INSL5: variants seen among roughly 807,000 people sequenced by gnomAD.
The protein encoded by INSL5 is insulin-like peptide INSL5.
A neutral mutation model predicts 4.3 loss-of-function variants in INSL5; 3 were observed. That is an observed-to-expected ratio of 0.70 (90% CI 0.32 to 1.82). The LOEUF (loss-of-function observed/expected upper bound fraction) is 1.82, where lower values mean the gene tolerates loss of function less well. Among genes scored for constraint, INSL5 ranks in the 40% most tolerant of loss-of-function variants. The probability of loss-of-function intolerance (pLI) is 0.08; values close to 1 mark genes in which losing one functional copy is unlikely to be tolerated. For synonymous variants in INSL5, 68 were observed against 56.6 expected (o/e 1.20, Z -0.90); for missense variants, 168 against 160.9 (o/e 1.04, Z -0.24).
chr1:66,800,611 T>A (rs1397586136), intron 1 of INSL5, among the ~76,000 whole-genome samples: 1 of 152,194 alleles, frequency 6.6e-6, no homozygotes, highest in African/African-American at 2.4e-5. Context: ...TCCCAGCACT[T>A]AAAAGTGCTC....
At chr1:66,800,664 G>A (rs1297651130) in intron 1 of INSL5, among the ~76,000 whole-genome samples, 3 of 152,094 alleles carry the variant, frequency 2.0e-5, no homozygotes, top group Non-Finnish European at 4.4e-5. Flanking sequence ...TTTAACAACT[G>A]CCGGAATTCT....
At chr1:66,798,602 A>T (rs956239300) in intron 1 of INSL5, among the ~76,000 whole-genome samples, 1 of 152,174 alleles carries the variant, frequency 6.6e-6, no homozygotes, top group Non-Finnish European at 1.5e-5. Flanking sequence ...ACAAAAAAAA[A>T]CCCTGTGTAT....
intron 1 of INSL5, among the ~76,000 whole-genome samples, chr1:66,799,904 C>G (rs1645363845): frequency 6.6e-6 from 1 of 151,872 alleles, no homozygotes; most frequent in East Asian, 1.9e-4. Context: ...TAAAAATTAG[C>G]CAGATGTGGT....
chr1:66,799,559 A>G (rs1012804747), intron 1 of INSL5, among the ~76,000 whole-genome samples: 1 of 152,182 alleles, frequency 6.6e-6, no homozygotes, highest in African/African-American at 2.4e-5. Flanking sequence ...ATAAAAATGC[A>G]TTGTATTCCT....
At chr1:66,799,838 C>T (rs1645363426) in intron 1 of INSL5, among the ~76,000 whole-genome samples, 2 of 152,084 alleles carry the variant, frequency 1.3e-5, no homozygotes, top group Admixed American at 1.3e-4. Flanking sequence ...TGCTTGAAGC[C>T]AGGAGTTTGA....
In INSL5 at chr1:66,797,866, C is replaced by T. The variant is rs1034595929; in HGVS notation, c.*147G>A. The T allele has an allele frequency of 2.8e-5, 17 of 608,194 alleles. No individual in the cohort carries two copies. Among genetic ancestry groups the T allele is most frequent in the South Asian group, 2.3e-4 (11 of 48,354 alleles). 37.7% of individuals were successfully genotyped at this position (608,194 alleles called of 1,614,324 possible). On this transcript the variant is annotated 3_prime_UTR_variant, in exon 2 of 2. Transcript: ENST00000304526. ...AAATAGAGATCACTGTGGTTTCAAC[C>T]GCTCAGCTATACCTTTTAGAAAAGA...
Position 66,798,184 on chromosome 1 carries a change from C to G in INSL5, c.237G>C (p.Ala79=). The G allele has an allele frequency of 9.9e-6, 16 of 1,614,090 alleles. No homozygotes were observed. The highest frequency in any genetic ancestry group is 1.4e-5 in the Non-Finnish European group (16 of 1,180,000). The change falls in exon 2 of 2, where the codon GCG becomes GCC. Residue 79 remains alanine (A), a synonymous_variant. Transcript: ENST00000304526. Reference sequence around the variant, plus strand: ...AGGCATCCACCTTCGGAAGGTTTTGCGCTGGATTTTCCTCAGAAAACTCAC... The same window carrying G: ...AGGCATCCACCTTCGGAAGGTTTTGGGCTGGATTTTCCTCAGAAAACTCAC... ...HKREFSEENP[A]QNLPKVDASG...
chr1:66,799,757 A>G (rs1645362709), intron 1 of INSL5, among the ~76,000 whole-genome samples: 1 of 152,210 alleles, frequency 6.6e-6, no homozygotes, highest in Non-Finnish European at 1.5e-5. Context: ...AATTTTTTAA[A>G]TAGGATTTTC....
At position 66,797,939 on chromosome 1, in the gene INSL5, T is replaced by C. The variant is rs530148046; in HGVS notation, c.*74A>G. 6.7e-6 allele frequency: 7 copies of C among 1,039,702 alleles called. No homozygotes were observed. Among genetic ancestry groups the C allele is most frequent in the African/African-American group, 4.8e-5 (3 of 62,998 alleles). The allele number at this position is 1,039,702 out of a possible 1,614,324, so 64.4% of individuals were successfully genotyped here. ...TCATTTTAATAACACAATATTAGTGTTCTACCAGGCAGTAAAACACTGTAA... is the reference window on the plus strand; with the variant it reads ...TCATTTTAATAACACAATATTAGTGCTCTACCAGGCAGTAAAACACTGTAA... On this transcript the variant is annotated 3_prime_UTR_variant, in exon 2 of 2. Transcript: ENST00000304526.
Position 66,797,882 on chromosome 1 carries a change from T to C in INSL5, c.*131A>G. 1 of 654,622 alleles carries C rather than the reference T, an allele frequency of 1.5e-6. No homozygotes were observed. Among genetic ancestry groups the C allele is most frequent in the South Asian group, 1.9e-5 (1 of 51,528 alleles). 40.6% of individuals were successfully genotyped at this position (654,622 alleles called of 1,614,324 possible). A position where few individuals can be genotyped will look rare whatever the true frequency, so the allele number is the denominator to read the frequency against. On this transcript the variant is annotated 3_prime_UTR_variant, in exon 2 of 2. Coordinates refer to ENST00000304526, the MANE Select transcript of INSL5 (RefSeq NM_005478.6). ...GGTTTCAACCGCTCAGCTATACCTT[T>C]TAGAAAAGAAGTTTTGCCTACCCAA...
chr1:66,800,089 T>C (rs1273842223), intron 1 of INSL5, among the ~76,000 whole-genome samples: 2 of 152,178 alleles, frequency 1.3e-5, no homozygotes, highest in Non-Finnish European at 2.9e-5. Context: ...GGATTTTAAA[T>C]AAATTCTACC....
Position 66,797,996 on chromosome 1 carries a change from G to A in INSL5, c.*17C>T, listed in dbSNP as rs1401193545. 8 of 1,521,738 alleles carry A rather than the reference G, an allele frequency of 5.3e-6. No individual in the cohort carries two copies. The highest frequency in any genetic ancestry group is 1.8e-6 in the Non-Finnish European group (2 of 1,096,562). The allele number at this position is 1,521,738 out of a possible 1,614,324, so 94.3% of individuals were successfully genotyped here. A position where few individuals can be genotyped will look rare whatever the true frequency, so the allele number is the denominator to read the frequency against. ...ATGTGATAAAGCTCTGCCACCCATT[G>A]GGTATTTGCTCTTGTCTTAGCAAAG... is the stretch of plus-strand genomic sequence containing the variant. On this transcript the variant is annotated 3_prime_UTR_variant, in exon 2 of 2. Transcript: ENST00000304526.
chr1:66,801,135 A>G lies in INSL5; in HGVS notation c.87T>C (p.Cys29=). 2 of 1,612,586 alleles carry G rather than the reference A, an allele frequency of 1.2e-6. No individual in the cohort carries two copies. The highest frequency in any genetic ancestry group is 1.7e-6 in the Non-Finnish European group (2 of 1,178,554). ...EVRSKESVRL[C]GLEYIRTVIY... is the part of the protein sequence containing the mutation. ...TGACTGTCCGTATGTATTCTAGCCCACAGAGTCTCACAGACTCCTTGCTCC... is the reference window on the plus strand; with the variant it reads ...TGACTGTCCGTATGTATTCTAGCCCGCAGAGTCTCACAGACTCCTTGCTCC... The change falls in exon 1 of 2, where the codon TGT becomes TGC. Residue 29 remains cysteine (C), a synonymous_variant. Transcript: ENST00000304526.
chr1:66,798,998 G>C (rs1413225613), intron 1 of INSL5, among the ~76,000 whole-genome samples: 1 of 152,068 alleles, frequency 6.6e-6, no homozygotes, highest in East Asian at 1.9e-4. Context: ...GTGCATTTTG[G>C]TTTGCTATTA....
Position 66,797,854 on chromosome 1 carries a change from T to G in INSL5, c.*159A>C. 1 of 590,318 alleles carries G rather than the reference T, an allele frequency of 1.7e-6. No homozygotes were observed. The allele number at this position is 590,318 out of a possible 1,614,324, so 36.6% of individuals were successfully genotyped here. On this transcript the variant is annotated 3_prime_UTR_variant, in exon 2 of 2. Coordinates refer to ENST00000304526, the MANE Select transcript of INSL5 (RefSeq NM_005478.6). Reference sequence around the variant, plus strand: ...GGCAAAGGGAGAAAATAGAGATCACTGTGGTTTCAACCGCTCAGCTATACC... The same window carrying G: ...GGCAAAGGGAGAAAATAGAGATCACGGTGGTTTCAACCGCTCAGCTATACC...
intron 1 of INSL5, among the ~76,000 whole-genome samples, chr1:66,800,363 A>C (rs564980445): frequency 2.3e-4 from 35 of 152,142 alleles, no homozygotes; most frequent in African/African-American, 7.7e-4. Flanking sequence ...CTATTACAAA[A>C]TAGGTGACAT....
chr1:66,798,997 G>T (rs1404158048), intron 1 of INSL5, among the ~76,000 whole-genome samples: 3 of 152,122 alleles, frequency 2.0e-5, no homozygotes, highest in Non-Finnish European at 2.9e-5. Flanking sequence ...AGTGCATTTT[G>T]GTTTGCTATT....
At chr1:66,800,843 A>G (rs896495164) in intron 1 of INSL5, among the ~76,000 whole-genome samples, 2 of 152,214 alleles carry the variant, frequency 1.3e-5, no homozygotes, top group African/African-American at 4.8e-5. Flanking sequence ...AAAATGAGGT[A>G]GTTATTTTTT....
intron 1 of INSL5, among the ~76,000 whole-genome samples, chr1:66,799,131 A>G (rs1377154814): frequency 6.6e-6 from 1 of 152,210 alleles, no homozygotes; most frequent in Non-Finnish European, 1.5e-5. Context: ...AATGGAAAAT[A>G]CATGCTTTTT....
Sources: gnomAD v4.1 joint callset for allele counts (sites outside exome capture counted in the v4.1 genomes callset) on GRCh38, gnomAD v4.1.1 for gene constraint, MANE v1.5 for transcripts, NCBI Gene and HGNC (gene_info 2026-07-23, HGNC 2026-07-21) for gene names.